YY1: variants seen among roughly 807,000 people sequenced by gnomAD.
YY1 encodes the protein transcriptional repressor protein YY1.
Under a neutral mutation model 35.6 loss-of-function variants are expected in YY1, and 2 were observed. The ratio of observed to expected loss-of-function variants is 0.06; its 90% confidence interval spans 0.02 to 0.18. YY1 has a LOEUF of 0.18. Ranked by LOEUF, YY1 falls within the 10% of genes least tolerant of loss-of-function variation. The pLI, the probability that YY1 is intolerant of heterozygous loss-of-function variation, is 1.00. For missense variants in YY1, 322 were observed against 573.4 expected, an observed-to-expected ratio of 0.56 and a Z score of 4.48; for synonymous variants, 268 against 238.9, an observed-to-expected ratio of 1.12 and a Z score of -1.12.
At chr14:100,268,358 T>G (rs181564458) in intron 2 of YY1, among the ~76,000 whole-genome samples, 30 of 152,296 alleles carry the variant, frequency 2.0e-4, no homozygotes, top group African/African-American at 7.2e-4. Context: ...AGGTGGACAG[T>G]CTATGGATGA....
In YY1 at chr14:100,276,361, C is replaced by A; in HGVS notation, c.904-129C>A. 7.9e-7 allele frequency: 1 copy of A among 1,260,418 alleles called. No homozygotes were observed. Among genetic ancestry groups the A allele is most frequent in the Non-Finnish European group, 1.1e-6 (1 of 883,370 alleles). 78.1% of individuals were successfully genotyped at this position (1,260,418 alleles called of 1,614,324 possible). ...ATGATATTAATGTTCTACCGTAATACTAAGTAAAATTAAAATGGGGGGTTG... is the reference window on the plus strand; with the variant it reads ...ATGATATTAATGTTCTACCGTAATAATAAGTAAAATTAAAATGGGGGGTTG... On this transcript the variant is annotated intron_variant, in intron 3 of 4. Coordinates refer to ENST00000262238, the MANE Select transcript of YY1 (RefSeq NM_003403.5). This position sits in a 1 kb window ranked among gnomAD's most constrained non-coding sequence, Gnocchi z 4.1.
chr14:100,258,672 C>T (rs566244326), intron 1 of YY1, among the ~76,000 whole-genome samples: 13 of 152,290 alleles, frequency 8.5e-5, no homozygotes, highest in Admixed American at 3.9e-4. Context: ...TTACATCAGC[C>T]ACTTCCTAGC....
rs1324386545 is a variant in YY1 at position 100,239,150 on chromosome 14, C to T, written c.-95C>T. The T allele has an allele frequency of 2.7e-5, 34 of 1,245,592 alleles. No individual in the cohort carries two copies. Among genetic ancestry groups the T allele is most frequent in the Middle Eastern group, 3.1e-4 (1 of 3,264 alleles). The allele number at this position is 1,245,592 out of a possible 1,614,324, so 77.2% of individuals were successfully genotyped here. ...CCGCCCGCTCGCCGCCTTCCTCCCTCTGCCTTCCTTCCCCACGGCCGGCCG... is the reference window on the plus strand; with the variant it reads ...CCGCCCGCTCGCCGCCTTCCTCCCTTTGCCTTCCTTCCCCACGGCCGGCCG... On this transcript the variant is annotated 5_prime_UTR_variant, in exon 1 of 5. Coordinates refer to ENST00000262238, the MANE Select transcript of YY1 (RefSeq NM_003403.5).
rs746701246 is a variant in YY1 at position 100,239,337 on chromosome 14, C to A, written c.93C>A (p.Ile31=). 3.1e-6 allele frequency: 5 copies of A among 1,605,274 alleles called. No homozygotes were observed. The Admixed American group carries it at 8.4e-5, about 27-fold the overall frequency. The change falls in exon 1 of 5, where the codon ATC becomes ATA. Residue 31 remains isoleucine (I), a synonymous_variant. Coordinates refer to ENST00000262238, the MANE Select transcript of YY1 (RefSeq NM_003403.5). ...TGCACGAGATCGAGGTGGAGACCAT[C>A]CCGGTGGAGACCATCGAGACCACAG... ...VELHEIEVET[I]PVETIETTVV...
At chr14:100,254,534 T>G (rs1890972260) in intron 1 of YY1, among the ~76,000 whole-genome samples, 1 of 152,182 alleles carries the variant, frequency 6.6e-6, no homozygotes, top group Non-Finnish European at 1.5e-5. Context: ...TTCAGCTTAC[T>G]GCAAACTCTA....
At chr14:100,248,111 A>ATTT (rs966925892) in intron 1 of YY1, among the ~76,000 whole-genome samples, 1 of 75,894 alleles carries the variant, frequency 1.3e-5, no homozygotes, top group Admixed American at 1.4e-4. Flanking sequence ...CGCCCGGCTA[A>ATTT]TTTTTTTTTC....
chr14:100,239,770 G>A lies in YY1; in HGVS notation c.526G>A (p.Gly176Ser), dbSNP rs1199293045. The A allele has an allele frequency of 6.3e-7, 1 of 1,574,894 alleles. No homozygotes were observed. The highest frequency in any genetic ancestry group is 1.4e-5 in the African/African-American group (1 of 73,350). Residue 176 changes from glycine (G) to serine (S), a missense_variant, in exon 1 of 5, where the codon GGC becomes AGC. Gly to Ser is a moderately conservative substitution (Grantham distance 56). Coordinates refer to ENST00000262238, the MANE Select transcript of YY1 (RefSeq NM_003403.5). ...SSGGGRVKKG[G>S]GKKSGKKSYL... ...GGGAGGCGGCCGCGTCAAGAAGGGC[G>A]GCGGCAAGAAGAGCGGCAAGAAGAG...
At chr14:100,252,367 C>G (rs1890937368) in intron 1 of YY1, among the ~76,000 whole-genome samples, 1 of 152,188 alleles carries the variant, frequency 6.6e-6, no homozygotes, top group African/African-American at 2.4e-5. Context: ...TATACAATAC[C>G]TTTAACCTTC....
chr14:100,274,300 G>A (rs374310772), intron 2 of YY1, among the ~76,000 whole-genome samples: 10 of 152,194 alleles, frequency 6.6e-5, no homozygotes, highest in African/African-American at 1.7e-4. Context: ...CGCAGCAGCT[G>A]CCTTTGGAAA....
chr14:100,271,666 A>G (rs989553807), intron 2 of YY1, among the ~76,000 whole-genome samples: 3 of 151,736 alleles, frequency 2.0e-5, no homozygotes, highest in Non-Finnish European at 2.9e-5. Flanking sequence ...CCTGAAGGCA[A>G]TTCTGTACTT....
chr14:100,239,562 G>A lies in YY1; in HGVS notation c.318G>A (p.Val106=). The A allele has an allele frequency of 6.2e-7, 1 of 1,612,694 alleles. No individual in the cohort carries two copies. The highest frequency in any genetic ancestry group is 8.5e-7 in the Non-Finnish European group (1 of 1,179,714). The stretch of plus-strand genomic sequence containing the variant: ...ACCACCACCAGGAGGTGATCCTGGT[G>A]CAGACGCGCGAGGAGGTGGTGGGCG... The part of the protein sequence containing the change: ...QVHHHQEVIL[V]QTREEVVGGD... Residue 106 remains valine (V), a synonymous_variant, in exon 1 of 5, where the codon GTG becomes GTA. Transcript: ENST00000262238.
At chr14:100,273,614 T>G (rs1388054859) in intron 2 of YY1, among the ~76,000 whole-genome samples, 1 of 147,626 alleles carries the variant, frequency 6.8e-6, no homozygotes, top group Non-Finnish European at 1.5e-5. Flanking sequence ...ATCCTCCCAG[T>G]TTGGCCTCCC....
At chr14:100,251,393 C>G (rs539470961) in intron 1 of YY1, among the ~76,000 whole-genome samples, 1 of 152,330 alleles carries the variant, frequency 6.6e-6, no homozygotes, top group East Asian at 1.9e-4. Context: ...AGAAGGAACC[C>G]ACACAACAAC....
In YY1 at chr14:100,276,242, A is replaced by C; in HGVS notation, c.904-248A>C. 3.9e-6 allele frequency: 2 copies of C among 509,620 alleles called. No homozygotes were observed. The highest frequency in any genetic ancestry group is 4.1e-5 in the South Asian group (2 of 48,752). 31.6% of individuals were successfully genotyped at this position (509,620 alleles called of 1,614,324 possible). A position where few individuals can be genotyped will look rare whatever the true frequency, so the allele number is the denominator to read the frequency against. Reference sequence around the variant, plus strand: ...TAGTAGTGTGACCTTGGGCAAGTCTACTTAAAGACATCTCTAAGCCTCAGT... The same window carrying C: ...TAGTAGTGTGACCTTGGGCAAGTCTCCTTAAAGACATCTCTAAGCCTCAGT... On this transcript the variant is annotated intron_variant, in intron 3 of 4. Transcript: ENST00000262238. The surrounding 1 kb of genome is among the most constrained non-coding windows in gnomAD (Gnocchi z 4.1).
In YY1 at chr14:100,277,302, A is replaced by G; in HGVS notation, c.1063-116A>G. ...ATCCACAAAGTTCACCCAGGGCAGG[A>G]ATGAAAAGTGTTTGGTAAAATAAAT... On this transcript the variant is annotated intron_variant, in intron 4 of 4. Transcript: ENST00000262238. This position sits in a 1 kb window ranked among gnomAD's most constrained non-coding sequence, Gnocchi z 5.6. 2 of 1,294,922 alleles carry G rather than the reference A, an allele frequency of 1.5e-6. No individual in the cohort carries two copies. Among genetic ancestry groups the G allele is most frequent in the Non-Finnish European group, 1.1e-6 (1 of 904,204 alleles). 80.2% of individuals were successfully genotyped at this position (1,294,922 alleles called of 1,614,324 possible). A position where few individuals can be genotyped will look rare whatever the true frequency, so the allele number is the denominator to read the frequency against.
intron 2 of YY1, chr14:100,263,752 A>G (rs1356455267): frequency 2.0e-5 from 3 of 151,700 alleles, no homozygotes; most frequent in Non-Finnish European, 2.9e-5. Context: ...GCAGAGTGGT[A>G]GAGGTGGAGA....
rs571901009 is a variant in YY1 at position 100,247,615 on chromosome 14, G to A, written c.679+7692G>A. Among the ~76,000 whole-genome samples the A allele has an allele frequency of 5.3e-5, 8 of 152,258 alleles. No individual in the cohort carries two copies. In the South Asian group the frequency reaches 1.7e-3, roughly 32 times the overall value. On this transcript the variant is annotated intron_variant, in intron 1 of 4. Transcript: ENST00000262238. ...AGAAGATAACATTCATGTAATTACT[G>A]CAGAGTATTAGGAAGAGCCAAGGGA...
chr14:100,254,987 C>T (rs1403338324), intron 1 of YY1, among the ~76,000 whole-genome samples: 9 of 76,064 alleles, frequency 1.2e-4, no homozygotes, highest in Non-Finnish European at 1.4e-4. Flanking sequence ...TTAGTAGTGA[C>T]GGGATTTCAC....
At chr14:100,273,417 T>C (rs1445923740) in intron 2 of YY1, among the ~76,000 whole-genome samples, 2 of 152,136 alleles carry the variant, frequency 1.3e-5, no homozygotes, top group Non-Finnish European at 2.9e-5. Context: ...GCTTCCCGAG[T>C]GGTTGGGACT....
Sources: gnomAD v4.1 joint callset for allele counts (sites outside exome capture counted in the v4.1 genomes callset) on GRCh38, gnomAD v4.1.1 for gene constraint, Gnocchi (gnomAD v3.1) non-coding constraint, MANE v1.5 for transcripts, NCBI Gene and HGNC (gene_info 2026-07-23, HGNC 2026-07-21) for gene names.